The following SLC9A1 variants were observed in gnomAD, a reference collection of about 807,000 sequenced individuals.
SLC9A1 encodes sodium/hydrogen exchanger 1.
A neutral mutation model predicts 67.9 loss-of-function variants in SLC9A1; 22 were observed. That is an observed-to-expected ratio of 0.32 (90% CI 0.23 to 0.46). The LOEUF (loss-of-function observed/expected upper bound fraction) is 0.46. Ranked by LOEUF, SLC9A1 falls within the 20% of genes least tolerant of loss-of-function variation. SLC9A1 has a pLI of 1.00. For synonymous variants in SLC9A1, 421 were observed against 471.8 expected, an observed-to-expected ratio of 0.89 and a Z score of 1.40; for missense variants, 686 against 1,094.8, an observed-to-expected ratio of 0.63 and a Z score of 5.27.
rs979975366 is a variant in SLC9A1, at chr1:27,102,289, A to G, written c.1820+96T>C. The G allele has an allele frequency of 7.0e-6, 10 of 1,431,660 alleles. No homozygotes were observed. In the Admixed American group the frequency reaches 1.9e-4, roughly 28 times the overall value. 88.7% of individuals were successfully genotyped at this position (1,431,660 alleles called of 1,614,324 possible). The stretch of plus-strand genomic sequence containing the variant: ...CAGCTCTCTTGTCCGCCCCAACAGG[A>G]CAACAGAAGACCCCGCCCCCCAGGT... On this transcript the variant is annotated intron_variant, in intron 8 of 11. Transcript: ENST00000263980.
In SLC9A1 at chr1:27,100,734, CCTTCTCATGAGCA is replaced by C. The variant is rs1260057928; in HGVS notation, c.2111-103_2111-91del. ...CGGCCGCGTCAGTGCCTCCTTCAGGCCTTCTCATGAGCACAGCCGTCCCGGTCCCAACAGGCCT... is the reference window on the plus strand; with the variant it reads ...CGGCCGCGTCAGTGCCTCCTTCAGGCCAGCCGTCCCGGTCCCAACAGGCCT... On this transcript the variant is annotated intron_variant, in intron 11 of 11. Coordinates refer to ENST00000263980, the MANE Select transcript of SLC9A1 (RefSeq NM_003047.5). This position sits in a 1 kb window ranked among gnomAD's most constrained non-coding sequence, Gnocchi z 5.6. 5 of 1,069,908 alleles carry C rather than the reference CCTTCTCATGAGCA, an allele frequency of 4.7e-6. No individual in the cohort carries two copies. In the East Asian group the frequency reaches 9.5e-5, roughly 20 times the overall value. 66.3% of individuals were successfully genotyped at this position (1,069,908 alleles called of 1,614,324 possible).
intron 6 of SLC9A1, 119 bp downstream of exon 6, chr1:27,103,104 G>A (rs2083159560): frequency 2.6e-6 from 2 of 781,966 alleles, no homozygotes; most frequent in African/African-American, 1.7e-5. Context: ...GGCAGAGGGA[G>A]CCCCTGGGCA....
At chr1:27,128,725 AGG>A (rs954423950) in intron 1 of SLC9A1, among the ~76,000 whole-genome samples, 12 of 152,092 alleles carry the variant, frequency 7.9e-5, no homozygotes, top group Non-Finnish European at 1.6e-4. Context: ...TGAGACGCCA[AGG>A]CGGGCGGATC....
At chr1:27,120,860 C>G (rs1180437242) in intron 1 of SLC9A1, among the ~76,000 whole-genome samples, 2 of 152,134 alleles carry the variant, frequency 1.3e-5, no homozygotes, top group Non-Finnish European at 2.9e-5. Context: ...ACATCCTGAC[C>G]CCCAATTTGA....
rs765187776 is a variant in SLC9A1, at chr1:27,106,048, A to G, written c.1322T>C (p.Ile441Thr). 1 of 1,613,504 alleles carries G rather than the reference A, an allele frequency of 6.2e-7. No individual in the cohort carries two copies. The highest frequency in any genetic ancestry group is 2.2e-5 in the East Asian group (1 of 44,880). The change falls in exon 5 of 12, where the codon ATC becomes ACC. Residue 441 changes from isoleucine to threonine, a missense_variant. Transcript: ENST00000263980. The surrounding 1 kb of genome is among the most constrained non-coding windows in gnomAD (Gnocchi z 4.3). ...GLTWFINKFR[I>T]VKLTPKDQFI... is the part of the protein sequence containing the mutation. ...CTGGTCCTTGGGGGTCAGCTTCACG[A>G]TACGGAACTTGTTGATGAACCAGGT...
At chr1:27,104,545 T>C (rs1349736722) in intron 5 of SLC9A1, among the ~76,000 whole-genome samples, 1 of 152,006 alleles carries the variant, frequency 6.6e-6, no homozygotes, top group Non-Finnish European at 1.5e-5. Flanking sequence ...TGTACCACCA[T>C]ACCCACTAAT....
intron 1 of SLC9A1, among the ~76,000 whole-genome samples, chr1:27,131,938 G>GAAAAAAAAAAAAAAAA (rs1351315440): frequency 2.9e-5 from 1 of 35,026 alleles, no homozygotes; most frequent in African/African-American, 1.1e-4. Flanking sequence ...AGAAGAAGAA[G>GAAAAAAAAAAAAAAAA]AAAAAAAAAA....
chr1:27,154,008 G>A lies in SLC9A1; in HGVS notation c.327C>T (p.Ile109=), dbSNP rs780394424. The part of the protein sequence containing the change: ...VRTPFEISLW[I]LLACLMKIGF... ...CTATCTTCATGAGGCAGGCCAGAAG[G>A]ATCCAGAGGGAGATCTCGAAGGGGG... The change falls in exon 1 of 12, where the codon ATC becomes ATT. Residue 109 remains isoleucine (I), a synonymous_variant. Coordinates refer to ENST00000263980, the MANE Select transcript of SLC9A1 (RefSeq NM_003047.5). 1.9e-6 allele frequency: 3 copies of A among 1,579,400 alleles called. No individual in the cohort carries two copies. In the East Asian group the frequency reaches 6.8e-5, roughly 36 times the overall value.
intron 1 of SLC9A1, among the ~76,000 whole-genome samples, chr1:27,130,877 C>T (rs1392861329): frequency 2.0e-5 from 3 of 152,206 alleles, no homozygotes; most frequent in Non-Finnish European, 4.4e-5. Context: ...TTCTAGAGCC[C>T]ACTGGTGATA....
intron 2 of SLC9A1, among the ~76,000 whole-genome samples, chr1:27,111,901 T>C (rs575340566): frequency 6.6e-6 from 1 of 152,136 alleles, no homozygotes; most frequent in Non-Finnish European, 1.5e-5. Flanking sequence ...GCCACTGCCT[T>C]TGGGAGACAT....
rs140052977 is a variant in SLC9A1, at chr1:27,113,782, G to A, written c.813+44C>T. ...GGATTCACTGGTGGGCCTGGATTTG[G>A]GTTTGTACCGTTTGGACATGGGCAT... On this transcript the variant is annotated intron_variant, in intron 2 of 11. Coordinates refer to ENST00000263980, the MANE Select transcript of SLC9A1 (RefSeq NM_003047.5). 450 of 1,486,442 alleles carry A rather than the reference G, an allele frequency of 3.0e-4. 1 individual carries two copies. In the African/African-American group the frequency reaches 5.1e-3, roughly 17 times the overall value. The allele number at this position is 1,486,442 out of a possible 1,614,324, so 92.1% of individuals were successfully genotyped here.
intron 3 of SLC9A1, among the ~76,000 whole-genome samples, chr1:27,108,406 G>A (rs1025349597): frequency 2.7e-5 from 4 of 146,500 alleles, no homozygotes; most frequent in East Asian, 4.4e-4. Flanking sequence ...GGCTGGGCAC[G>A]GTGGCTCACG....
chr1:27,103,578 AGACAGCCTGGG>A, intron 5 of SLC9A1: 1 of 511,664 alleles, frequency 2.0e-6, no homozygotes, highest in South Asian at 2.1e-5. Context: ...GCCAGGCAGC[AGACAGCCTGGG>A]TTCAGATGTG....
chr1:27,107,639 G>T lies in SLC9A1; in HGVS notation c.1282+9C>A. The stretch of plus-strand genomic sequence containing the variant: ...ACAACCCCCACCCCGCCCCAGCCCT[G>T]GCCCTCACCCAGCACGCGGGCGATG... On this transcript the variant is annotated intron_variant, in intron 4 of 11. Coordinates refer to ENST00000263980, the MANE Select transcript of SLC9A1 (RefSeq NM_003047.5). 6.5e-7 allele frequency: 1 copy of T among 1,541,398 alleles called. No homozygotes were observed. The highest frequency in any genetic ancestry group is 2.0e-5 in the Admixed American group (1 of 50,932).
intron 1 of SLC9A1, among the ~76,000 whole-genome samples, chr1:27,147,852 G>A (rs2083499834): frequency 1.3e-5 from 2 of 152,232 alleles, no homozygotes; most frequent in Middle Eastern, 3.4e-3. Context: ...AAATTAGCCA[G>A]GTGTGGTGGC....
At chr1:27,108,098 A>C in intron 3 of SLC9A1, among the ~76,000 whole-genome samples, 1 of 122,550 alleles carries the variant, frequency 8.2e-6, no homozygotes, top group Non-Finnish European at 1.6e-5. Context: ...GACGAGTCTC[A>C]CTCTGTCACC....
At chr1:27,145,331 CCTGGG>C (rs2083478813) in intron 1 of SLC9A1, among the ~76,000 whole-genome samples, 1 of 152,206 alleles carries the variant, frequency 6.6e-6, no homozygotes, top group Non-Finnish European at 1.5e-5. Context: ...AAGAGCAGGG[CCTGGG>C]TTTACTCTTC....
chr1:27,127,001 C>T (rs1050916253), intron 1 of SLC9A1, among the ~76,000 whole-genome samples: 14 of 151,626 alleles, frequency 9.2e-5, no homozygotes, highest in East Asian at 7.7e-4. Flanking sequence ...TTATTTTTTG[C>T]GGGGGGAGGG....
chr1:27,141,023 CA>C (rs917418664), intron 1 of SLC9A1, among the ~76,000 whole-genome samples: 25 of 152,106 alleles, frequency 1.6e-4, no homozygotes, highest in African/African-American at 5.6e-4. Flanking sequence ...GCCTGGCCAA[CA>C]TGACAAAACC....
Sources: allele counts gnomAD v4.1 joint callset (sites outside exome capture counted in the v4.1 genomes callset), GRCh38; gene constraint gnomAD v4.1.1; non-coding constraint Gnocchi (gnomAD v3.1); transcripts MANE v1.5; gene names NCBI Gene and HGNC (gene_info 2026-07-23, HGNC 2026-07-21).